MYO3B: variants seen among roughly 807,000 people sequenced by gnomAD.
The protein encoded by MYO3B is myosin-IIIb.
MYO3B carries 156 observed loss-of-function variants against 174.6 expected under a neutral mutation model. The observed-to-expected ratio is 0.89, with a 90% confidence interval of 0.78 to 1.02. MYO3B has a LOEUF of 1.02. MYO3B is among the 50% of genes least tolerant of loss of function. MYO3B has a pLI of 0.00. For missense variants in MYO3B, 1,632 were observed against 1,639.4 expected, an observed-to-expected ratio of 1.00 and a Z score of 0.08; for synonymous variants, 563 against 569.1, an observed-to-expected ratio of 0.99 and a Z score of 0.15.
At position 170,556,832 on chromosome 2, in the gene MYO3B, A is replaced by G. The variant is rs146376535; in HGVS notation, c.3733+12844A>G. ...CCACTGCACCTGGCCAGATTTTGAC[A>G]TTTTAATAGTTGTGTAGTCACATCT... On this transcript the variant is annotated intron_variant, in intron 32 of 34. Coordinates refer to ENST00000408978, the MANE Select transcript of MYO3B (RefSeq NM_138995.5). Among the ~76,000 whole-genome samples the G allele has an allele frequency of 4.2e-3, 634 of 152,300 alleles. 7 individuals are homozygous for G. Among genetic ancestry groups the G allele is most frequent in the Middle Eastern group, 0.014 (4 of 294 alleles).
chr2:170,492,749 A>G lies in MYO3B; in HGVS notation c.3015-5843A>G, dbSNP rs142371507. Reference sequence around the variant, plus strand: ...TCCTCTGGGGGAAAGCCTGGAAGTTATGGAGACCTGATAGACTTTGTTTCT... The same window carrying G: ...TCCTCTGGGGGAAAGCCTGGAAGTTGTGGAGACCTGATAGACTTTGTTTCT... On this transcript the variant is annotated intron_variant, in intron 25 of 34. Coordinates refer to ENST00000408978, the MANE Select transcript of MYO3B (RefSeq NM_138995.5). 3.0e-3 allele frequency among the ~76,000 whole-genome samples: 453 copies of G among 149,830 alleles called. 2 individuals are homozygous for G. The highest frequency in any genetic ancestry group is 5.0e-3 in the Admixed American group (76 of 15,248).
At chr2:170,302,095 T>TAA (rs368083436) in intron 7 of MYO3B, among the ~76,000 whole-genome samples, 93 of 152,178 alleles carry the variant, frequency 6.1e-4, no homozygotes, top group African/African-American at 2.2e-3. Flanking sequence ...ATACATCCTT[T>TAA]AGCAGCTCTC....
At chr2:170,220,062 T>C (rs947797421) in intron 6 of MYO3B, among the ~76,000 whole-genome samples, 1 of 151,866 alleles carries the variant, frequency 6.6e-6, no homozygotes, top group African/African-American at 2.4e-5. Context: ...ATCGAGACCA[T>C]CCTGGCTAAC....
chr2:170,310,286 G>A (rs2093729059), intron 7 of MYO3B, among the ~76,000 whole-genome samples: 1 of 152,190 alleles, frequency 6.6e-6, no homozygotes, highest in African/African-American at 2.4e-5. Context: ...AGGAAGTCCT[G>A]AGAATCTGTG....
At chr2:170,610,429 TTA>T (rs1356359843) in intron 32 of MYO3B, among the ~76,000 whole-genome samples, 2 of 152,224 alleles carry the variant, frequency 1.3e-5, no homozygotes, top group Non-Finnish European at 2.9e-5. Context: ...ATAGAGATCC[TTA>T]TGTTTACATA....
chr2:170,255,469 G>C (rs2093296656), intron 7 of MYO3B, among the ~76,000 whole-genome samples: 3 of 152,150 alleles, frequency 2.0e-5, no homozygotes, highest in African/African-American at 7.2e-5. Flanking sequence ...ATTGCAGCCT[G>C]AATTATACAA....
intron 8 of MYO3B, among the ~76,000 whole-genome samples, chr2:170,347,486 T>C (rs1368151648): frequency 6.6e-6 from 1 of 152,038 alleles, no homozygotes; most frequent in African/African-American, 2.4e-5. Flanking sequence ...CCTGCAATTC[T>C]AGCTACTTGG....
intron 32 of MYO3B, among the ~76,000 whole-genome samples, chr2:170,605,056 T>C (rs552382440): frequency 6.6e-6 from 1 of 152,300 alleles, no homozygotes; most frequent in South Asian, 2.1e-4. Flanking sequence ...GAGAACCCCT[T>C]TGGGTCCTAC....
At chr2:170,330,912 A>T (rs577766176) in intron 7 of MYO3B, among the ~76,000 whole-genome samples, 4 of 152,334 alleles carry the variant, frequency 2.6e-5, no homozygotes, top group Admixed American at 2.0e-4. Flanking sequence ...AGACCAAGTC[A>T]TATTTTGTCA....
intron 32 of MYO3B, among the ~76,000 whole-genome samples, chr2:170,642,105 C>T (rs921776175): frequency 2.0e-5 from 3 of 152,056 alleles, no homozygotes; most frequent in Non-Finnish European, 2.9e-5. Flanking sequence ...ACAAAAACAT[C>T]CCAATTAACC....
chr2:170,449,099 G>A (rs1032475352), intron 23 of MYO3B, among the ~76,000 whole-genome samples: 1 of 152,166 alleles, frequency 6.6e-6, no homozygotes, highest in African/African-American at 2.4e-5. Flanking sequence ...AAGGTCCTAA[G>A]GTAACTTGGT....
intron 32 of MYO3B, among the ~76,000 whole-genome samples, chr2:170,611,516 G>C (rs763068999): frequency 1.3e-5 from 2 of 152,198 alleles, no homozygotes; most frequent in Non-Finnish European, 2.9e-5. Context: ...AGTGGGGACA[G>C]TGGGGACAGT....
chr2:170,544,213 A>G (rs1199147063), intron 32 of MYO3B, among the ~76,000 whole-genome samples: 1 of 152,214 alleles, frequency 6.6e-6, no homozygotes, highest in Non-Finnish European at 1.5e-5. Flanking sequence ...ATGCTTTTCC[A>G]TTTACTTAAC....
chr2:170,381,189 T>C (rs2094332856), intron 9 of MYO3B, among the ~76,000 whole-genome samples: 1 of 152,020 alleles, frequency 6.6e-6, no homozygotes, highest in African/African-American at 2.4e-5. Flanking sequence ...AGTAAATAAA[T>C]AGGTACATAT....
rs1269377703 is a variant in MYO3B, at chr2:170,258,094, A to G, written c.749+21958A>G. Among the ~76,000 whole-genome samples the G allele has an allele frequency of 2.6e-5, 4 of 152,208 alleles. No homozygotes were observed. The East Asian group carries it at 7.7e-4, about 29-fold the overall frequency. On this transcript the variant is annotated intron_variant, in intron 7 of 34. Transcript: ENST00000408978. The stretch of plus-strand genomic sequence containing the variant: ...ATTTAAAAATTTTAAAAACCTGGCA[A>G]CCTAAAAAGCTATGGACTAGATGGA...
chr2:170,399,099 G>A (rs962854553), intron 16 of MYO3B, among the ~76,000 whole-genome samples: 3 of 151,890 alleles, frequency 2.0e-5, no homozygotes, highest in East Asian at 1.9e-4. Flanking sequence ...AAAATTGGCC[G>A]GGCGTGGTAG....
chr2:170,343,199 A>C (rs1451255828), intron 8 of MYO3B, among the ~76,000 whole-genome samples: 1 of 152,010 alleles, frequency 6.6e-6, no homozygotes, highest in Non-Finnish European at 1.5e-5. Context: ...TAGCACTTTG[A>C]GGGGCTGAGG....
At chr2:170,526,930 G>T (rs1357758986) in intron 30 of MYO3B, among the ~76,000 whole-genome samples, 1 of 152,222 alleles carries the variant, frequency 6.6e-6, no homozygotes, top group African/African-American at 2.4e-5. Context: ...TCTAAGAACA[G>T]ATTCCAAGGA....
intron 22 of MYO3B, among the ~76,000 whole-genome samples, chr2:170,428,755 C>A (rs1426613506): frequency 3.3e-5 from 5 of 152,186 alleles, no homozygotes; most frequent in Admixed American, 3.3e-4. Flanking sequence ...TACATAGCCA[C>A]AAAGGGTGTT....
Sources: gnomAD v4.1 joint callset for allele counts (sites outside exome capture counted in the v4.1 genomes callset) on GRCh38, gnomAD v4.1.1 for gene constraint, MANE v1.5 for transcripts, NCBI Gene and HGNC (gene_info 2026-07-23, HGNC 2026-07-21) for gene names.